Variants in GNPTAB observed in about 807,000 individuals in gnomAD.
The protein encoded by GNPTAB is N-acetylglucosamine-1-phosphotransferase subunits alpha/beta.
A neutral mutation model predicts 136.6 loss-of-function variants in GNPTAB; 92 were observed. The ratio of observed to expected loss-of-function variants is 0.67; its 90% confidence interval spans 0.57 to 0.80. GNPTAB has a LOEUF of 0.80. GNPTAB is among the 30% of genes least tolerant of loss of function. The probability of loss-of-function intolerance (pLI) is 0.00; values close to 1 mark genes in which losing one functional copy is unlikely to be tolerated. For synonymous variants in GNPTAB, 512 were observed against 535.1 expected (o/e 0.96, Z 0.60); for missense variants, 1,343 against 1,501.8 (o/e 0.89, Z 1.75).
chr12:101,766,796 A>C (rs1953101912), intron 11 of GNPTAB, among the ~76,000 whole-genome samples: 1 of 152,220 alleles, frequency 6.6e-6, no homozygotes, highest in Non-Finnish European at 1.5e-5. Flanking sequence ...ACTTGACAGA[A>C]GCGTGATGAA....
chr12:101,786,121 C>G lies in GNPTAB; in HGVS notation c.462G>C (p.Leu154=). 6.2e-7 allele frequency: 1 copy of G among 1,613,966 alleles called. No individual in the cohort carries two copies. Among genetic ancestry groups the G allele is most frequent in the South Asian group, 1.1e-5 (1 of 91,070 alleles). ...AATGAAAAGAAGGATAAAGAGATGGCAGGTCCTTCAGGGTGATGTTGGCTG... is the reference window on the plus strand; with the variant it reads ...AATGAAAAGAAGGATAAAGAGATGGGAGGTCCTTCAGGGTGATGTTGGCTG... The part of the protein sequence containing the change: ...ALPANITLKD[L]PSLYPSFHSA... Residue 154 remains leucine, a synonymous_variant, in exon 5 of 21, where the codon CTG becomes CTC. Transcript: ENST00000299314.
At chr12:101,824,254 G>A (rs1451804112) in intron 1 of GNPTAB, among the ~76,000 whole-genome samples, 1 of 151,618 alleles carries the variant, frequency 6.6e-6, no homozygotes, top group East Asian at 1.9e-4. Context: ...ACAGAAGGTG[G>A]GGTTGCCAGC....
intron 1 of GNPTAB, among the ~76,000 whole-genome samples, chr12:101,822,762 C>T (rs550814565): frequency 6.6e-6 from 1 of 152,296 alleles, no homozygotes; most frequent in South Asian, 2.1e-4. Flanking sequence ...GAAGTGACCA[C>T]AGAAATATCA....
chr12:101,765,803 C>CTTTT, intron 12 of GNPTAB: 3 of 411,146 alleles, frequency 7.3e-6, no homozygotes, highest in Non-Finnish European at 4.6e-6. Context: ...TATTGATATC[C>CTTTT]TTTTTTGTTT....
chr12:101,820,541 T>C (rs1321970660), intron 1 of GNPTAB, among the ~76,000 whole-genome samples: 1 of 152,192 alleles, frequency 6.6e-6, no homozygotes, highest in Non-Finnish European at 1.5e-5. Flanking sequence ...GGCTGTCCTG[T>C]GCACTATAGG....
Position 101,761,343 on chromosome 12 carries a change from G to C in GNPTAB, c.2919C>G (p.Phe973Leu). Reference protein sequence around the residue: ...RIVMQELQDMFPEEFDKTSFH... With the variant: ...RIVMQELQDMLPEEFDKTSFH... ...ATGACGTCTTGTCAAATTCTTCAGGGAACCTGTCCAAATATAACATATTAC... is the reference window on the plus strand; with the variant it reads ...ATGACGTCTTGTCAAATTCTTCAGGCAACCTGTCCAAATATAACATATTAC... Residue 973 changes from phenylalanine to leucine, a missense_variant, in exon 15 of 21, where the codon TTC becomes TTG. Physicochemically the swap from Phe to Leu is conservative, Grantham distance 22. Transcript: ENST00000299314. 6.2e-7 allele frequency: 1 copy of C among 1,613,142 alleles called. No homozygotes were observed. Among genetic ancestry groups the C allele is most frequent in the African/African-American group, 1.3e-5 (1 of 75,040 alleles).
chr12:101,811,307 T>TGTTCCGTGG (rs1870218568), intron 1 of GNPTAB, among the ~76,000 whole-genome samples: 2 of 152,214 alleles, frequency 1.3e-5, no homozygotes. Flanking sequence ...GGACAGCATG[T>TGTTCCGTGG]AAATAAATGG....
At chr12:101,784,529 A>G (rs741645) in intron 5 of GNPTAB, among the ~76,000 whole-genome samples, 41,375 of 152,060 alleles carry the variant, frequency 0.27, 5,921 homozygotes, top group East Asian at 0.36. Context: ...CCATAAAATC[A>G]GGGTTTTCAG....
chr12:101,778,509 T>C (rs1953291356), intron 7 of GNPTAB: 1 of 152,166 alleles, frequency 6.6e-6, no homozygotes, highest in African/African-American at 2.4e-5. Context: ...TAAAAATAAC[T>C]CAGAGGAAGG....
At chr12:101,822,330 G>A (rs543706224) in intron 1 of GNPTAB, among the ~76,000 whole-genome samples, 45 of 152,222 alleles carry the variant, frequency 3.0e-4, no homozygotes, top group African/African-American at 1.0e-3. Context: ...GGAGAATGGC[G>A]TGAACCCCGG....
rs58415733 is a variant in GNPTAB at position 101,783,193 on chromosome 12, A to G, written c.572-2572T>C. On this transcript the variant is annotated intron_variant, in intron 5 of 20. Transcript: ENST00000299314. Reference sequence around the variant, plus strand: ...CTGTTCCCTGCTGTATCTTCAGTACAGGGAACAGTACCTGGCACACAGCAG... The same window carrying G: ...CTGTTCCCTGCTGTATCTTCAGTACGGGGAACAGTACCTGGCACACAGCAG... Among the ~76,000 whole-genome samples the G allele has an allele frequency of 3.3e-3, 504 of 152,126 alleles. 5 individuals carry two copies. The highest frequency in any genetic ancestry group is 0.011 in the African/African-American group (462 of 41,488).
intron 8 of GNPTAB, 78 bp downstream of exon 8, chr12:101,770,918 C>A: frequency 7.3e-7 from 1 of 1,377,820 alleles, no homozygotes; most frequent in Non-Finnish European, 1.0e-6. Flanking sequence ...CCCCTTCCCT[C>A]TTCTAATATA....
At chr12:101,762,715 A>G (rs1257327858) in intron 13 of GNPTAB, among the ~76,000 whole-genome samples, 1 of 152,162 alleles carries the variant, frequency 6.6e-6, no homozygotes, top group East Asian at 1.9e-4. Context: ...ATTTCTCTAT[A>G]TATAACTATA....
chr12:101,804,302 C>G (rs1345751053), intron 1 of GNPTAB, among the ~76,000 whole-genome samples: 1 of 151,636 alleles, frequency 6.6e-6, no homozygotes, highest in Non-Finnish European at 1.5e-5. Context: ...CAAAAAGAAC[C>G]CTTAGCAATC....
Position 101,766,191 on chromosome 12 carries a change from G to C in GNPTAB, c.1512C>G (p.Tyr504Ter). The C allele has an allele frequency of 6.2e-7, 1 of 1,613,972 alleles. No homozygotes were observed. Among genetic ancestry groups the C allele is most frequent in the Non-Finnish European group, 8.5e-7 (1 of 1,179,920 alleles). The change falls in exon 12 of 21, where the codon TAC becomes TAG. Residue 504 changes from tyrosine (Y) to a stop codon, truncating the protein, a stop_gained. Coordinates refer to ENST00000299314, the MANE Select transcript of GNPTAB (RefSeq NM_024312.5). LOFTEE classifies it high-confidence loss of function. ...AGGAATTCGCACATCCCTGATTACA[G>C]TAAGAGACACTGTTTATTCCTCCAC... ...QFGGGINSVSYCNQGCANSWL... is the reference protein window; with the variant it reads ...QFGGGINSVS
At chr12:101,767,088 T>C (rs1953105730) in intron 11 of GNPTAB, among the ~76,000 whole-genome samples, 1 of 152,216 alleles carries the variant, frequency 6.6e-6, no homozygotes, top group Admixed American at 6.5e-5. Context: ...ATCTGACATA[T>C]CTGACTGAAA....
chr12:101,770,724 AC>A (rs1953158752), intron 8 of GNPTAB, 139 bp from the exon 9 acceptor site: 6 of 736,720 alleles, frequency 8.1e-6, no homozygotes, highest in Non-Finnish European at 1.4e-5. Context: ...TTTAAACATT[AC>A]AAAAAATGCA....
chr12:101,757,150 C>T, intron 18 of GNPTAB, 62 bp downstream of exon 18: 1 of 909,100 alleles, frequency 1.1e-6, no homozygotes. Context: ...CTACTCCCTT[C>T]TTTCCAGTCC....
chr12:101,796,265 G>T (rs1000277945), intron 2 of GNPTAB: 1 of 702,300 alleles, frequency 1.4e-6, no homozygotes, highest in African/African-American at 1.7e-5. Context: ...TCACAGACCT[G>T]GGGAGACAGA....
Sources: allele counts gnomAD v4.1 joint callset (sites outside exome capture counted in the v4.1 genomes callset), GRCh38; gene constraint gnomAD v4.1.1; transcripts MANE v1.5; gene names NCBI Gene and HGNC (gene_info 2026-07-23, HGNC 2026-07-21).